Variants in RETREG1 observed in about 807,000 individuals in gnomAD.
RETREG1 encodes the protein reticulophagy regulator 1.
Under a neutral mutation model 54.8 loss-of-function variants are expected in RETREG1, and 44 were observed. That is an observed-to-expected ratio of 0.80 (90% CI 0.63 to 1.03). The LOEUF is 1.03. Ranked by LOEUF, RETREG1 falls within the 50% of genes least tolerant of loss-of-function variation. RETREG1 has a pLI of 0.00. For missense variants in RETREG1, 554 were observed against 605.1 expected (o/e 0.92, Z 0.89); for synonymous variants, 217 against 238.5 (o/e 0.91, Z 0.83).
At chr5:16,528,636 T>TGTGTGC (rs1740808227) in intron 3 of RETREG1, among the ~76,000 whole-genome samples, 1 of 152,204 alleles carries the variant, frequency 6.6e-6, no homozygotes, top group Non-Finnish European at 1.5e-5. Context: ...GCAGGTGGGA[T>TGTGTGC]ATGTGCAAGA....
At chr5:16,537,575 G>A (rs1317507739) in intron 3 of RETREG1, among the ~76,000 whole-genome samples, 1 of 152,206 alleles carries the variant, frequency 6.6e-6, no homozygotes, top group Non-Finnish European at 1.5e-5. Flanking sequence ...GTGCGCCCCT[G>A]TAATCCCAGC....
At chr5:16,545,215 T>A (rs1470142746) in intron 3 of RETREG1, among the ~76,000 whole-genome samples, 2 of 152,104 alleles carry the variant, frequency 1.3e-5, no homozygotes, top group Non-Finnish European at 2.9e-5. Context: ...GCTTCCTCAT[T>A]CTTGCAATGT....
chr5:16,566,899 G>A (rs1742027844), intron 2 of RETREG1, among the ~76,000 whole-genome samples: 1 of 152,194 alleles, frequency 6.6e-6, no homozygotes, highest in Non-Finnish European at 1.5e-5. Flanking sequence ...GGGACTGTGA[G>A]CAATAATAAG....
intron 1 of RETREG1, among the ~76,000 whole-genome samples, chr5:16,581,688 T>A (rs1742487622): frequency 6.6e-6 from 1 of 151,980 alleles, no homozygotes. Flanking sequence ...TCCCTAAGTC[T>A]CCAGCCATCA....
intron 1 of RETREG1, among the ~76,000 whole-genome samples, chr5:16,581,893 T>C (rs531373105): frequency 6.6e-6 from 1 of 152,236 alleles, no homozygotes; most frequent in Non-Finnish European, 1.5e-5. Flanking sequence ...TGCAGGTTTG[T>C]TACATAGGTA....
At chr5:16,476,310 C>T (rs1423422482) in intron 8 of RETREG1, among the ~76,000 whole-genome samples, 1 of 152,112 alleles carries the variant, frequency 6.6e-6, no homozygotes, top group Non-Finnish European at 1.5e-5. Flanking sequence ...CCTTTTGGAA[C>T]ATAAGTGTAA....
chr5:16,606,545 GGCAACCTCAGCCTGCC>G (rs1743197139), intron 1 of RETREG1, among the ~76,000 whole-genome samples: 1 of 152,040 alleles, frequency 6.6e-6, no homozygotes, highest in African/African-American at 2.4e-5. Context: ...GCCAAACCTG[GGCAACCTCAGCCTGCC>G]GCAACCTCAG....
intron 3 of RETREG1, among the ~76,000 whole-genome samples, chr5:16,496,966 T>C (rs965383069): frequency 6.6e-6 from 1 of 152,104 alleles, no homozygotes; most frequent in African/African-American, 2.4e-5. Flanking sequence ...GCAGGGTGGA[T>C]TTGGGCCCAG....
chr5:16,590,621 G>A (rs1742737214), intron 1 of RETREG1, among the ~76,000 whole-genome samples: 1 of 152,216 alleles, frequency 6.6e-6, no homozygotes, highest in African/African-American at 2.4e-5. Context: ...ACGGACTCGA[G>A]GCGGGCTGTC....
intron 3 of RETREG1, among the ~76,000 whole-genome samples, chr5:16,509,676 A>C (rs1444284162): frequency 6.6e-6 from 1 of 152,126 alleles, no homozygotes; most frequent in Non-Finnish European, 1.5e-5. Context: ...AGAAAGTAAG[A>C]TCTGCTTATT....
intron 1 of RETREG1, among the ~76,000 whole-genome samples, chr5:16,575,743 T>A (rs577165565): frequency 6.6e-6 from 1 of 152,356 alleles, no homozygotes; most frequent in East Asian, 1.9e-4. Context: ...AGCCCAGCAA[T>A]TGCTTAGCAA....
intron 1 of RETREG1, among the ~76,000 whole-genome samples, chr5:16,575,880 C>T (rs1464053124): frequency 6.6e-6 from 1 of 152,122 alleles, no homozygotes; most frequent in African/African-American, 2.4e-5. Context: ...ACTTTTGGTA[C>T]TTTAATTATT....
intron 2 of RETREG1, among the ~76,000 whole-genome samples, chr5:16,570,134 A>G (rs568102096): frequency 1.2e-4 from 18 of 152,258 alleles, no homozygotes; most frequent in Non-Finnish European, 2.5e-4. Flanking sequence ...AGCCACAGAA[A>G]CAAATGCAGT....
Position 16,574,996 on chromosome 5 carries a change from C to T in RETREG1, c.321-2894G>A, listed in dbSNP as rs368890067. Among the ~76,000 whole-genome samples the T allele has an allele frequency of 6.2e-4, 94 of 152,252 alleles. 1 individual carries two copies. Among genetic ancestry groups the T allele is most frequent in the African/African-American group, 2.1e-3 (87 of 41,530 alleles). On this transcript the variant is annotated intron_variant, in intron 1 of 8. Coordinates refer to ENST00000306320, the MANE Select transcript of RETREG1 (RefSeq NM_001034850.3). The stretch of plus-strand genomic sequence containing the variant: ...AAGCAAGGTTGCATTCTGGTGTTTG[C>T]TTGGTTTGGGGCCAGCCTCCTCACT...
At position 16,478,036 on chromosome 5, in the gene RETREG1, T is replaced by TAGGACA. The variant is rs1738616219; in HGVS notation, c.865_870dup (p.Cys289_Pro290dup). The stretch of plus-strand genomic sequence containing the variant: ...ATTGAAAACTAAACAAAAAATACCT[T>TAGGACA]AGGACAAAGAGCTGAAAAGTCTAAT... On this transcript the variant is annotated inframe_insertion, in exon 7 of 9. Coordinates refer to ENST00000306320, the MANE Select transcript of RETREG1 (RefSeq NM_001034850.3). 1.2e-6 allele frequency: 2 copies of TAGGACA among 1,607,262 alleles called. No homozygotes were observed. The highest frequency in any genetic ancestry group is 4.5e-5 in the East Asian group (2 of 44,768).
intron 3 of RETREG1, among the ~76,000 whole-genome samples, chr5:16,544,578 T>G (rs1329434149): frequency 6.6e-6 from 1 of 152,242 alleles, no homozygotes; most frequent in Non-Finnish European, 1.5e-5. Context: ...ATGTTCCCTT[T>G]TGAGTTAATT....
chr5:16,508,597 C>T, intron 3 of RETREG1: 1 of 1,614,146 alleles, frequency 6.2e-7, no homozygotes. Context: ...GGTCCAAAGT[C>T]TTCACCTTCA....
intron 1 of RETREG1, among the ~76,000 whole-genome samples, chr5:16,614,562 G>A (rs532689002): frequency 6.6e-6 from 1 of 152,176 alleles, no homozygotes; most frequent in Non-Finnish European, 1.5e-5. Context: ...ACACATTGCT[G>A]GTGGGAGTAT....
At chr5:16,512,666 C>T (rs984516087) in intron 3 of RETREG1, among the ~76,000 whole-genome samples, 1 of 152,080 alleles carries the variant, frequency 6.6e-6, no homozygotes, top group African/African-American at 2.4e-5. Context: ...GACCTTCCCC[C>T]TCTTGGATGT....
Sources: allele counts gnomAD v4.1 joint callset (sites outside exome capture counted in the v4.1 genomes callset), GRCh38; gene constraint gnomAD v4.1.1; transcripts MANE v1.5; gene names NCBI Gene and HGNC (gene_info 2026-07-23, HGNC 2026-07-21).